Variants in AGPS observed in about 807,000 individuals in gnomAD.
AGPS encodes alkylglycerone phosphate synthase, also known as alkyldihydroxyacetonephosphate synthase, peroxisomal.
Under a neutral mutation model 90.7 loss-of-function variants are expected in AGPS, and 26 were observed. The ratio of observed to expected loss-of-function variants is 0.29; its 90% CI spans 0.21 to 0.40. The LOEUF (loss-of-function observed/expected upper bound fraction) is 0.40. Among genes scored for constraint, AGPS ranks in the 10% least tolerant of loss-of-function variants. The pLI is 1.00. For synonymous variants in AGPS, 294 were observed against 285.3 expected (o/e 1.03, Z -0.31); for missense variants, 540 against 816.1 (o/e 0.66, Z 4.12).
chr2:177,530,004 C>T (rs922704660), intron 19 of AGPS, among the ~76,000 whole-genome samples: 5 of 152,122 alleles, frequency 3.3e-5, no homozygotes, highest in African/African-American at 1.2e-4. Flanking sequence ...GCTTAAAAAA[C>T]AATAGTTTTG....
intron 11 of AGPS, 85 bp downstream of exon 11, chr2:177,482,271 T>C (rs1162370637): frequency 4.0e-6 from 3 of 751,306 alleles, no homozygotes; most frequent in Non-Finnish European, 6.0e-6. Context: ...TAGTTGATTG[T>C]GATATGTTAC....
rs1018727201 is a variant in AGPS at position 177,412,693 on chromosome 2, G to A, written c.261-7576G>A. On this transcript the variant is annotated intron_variant, in intron 1 of 19. Transcript: ENST00000264167. ...CTCCTAGAGCTCCCAAGATGTTGGC[G>A]GCCACTTCCAAGATGGCAGCAAGCC... is the stretch of plus-strand genomic sequence containing the variant. Among the ~76,000 whole-genome samples the A allele has an allele frequency of 5.9e-5, 9 of 152,072 alleles. No individual in the cohort carries two copies. The South Asian group carries it at 8.3e-4, about 14-fold the overall frequency.
intron 12 of AGPS, among the ~76,000 whole-genome samples, chr2:177,494,671 C>T (rs1688362372): frequency 6.6e-6 from 1 of 152,122 alleles, no homozygotes; most frequent in East Asian, 1.9e-4. Flanking sequence ...TACCTGAAAA[C>T]ATACTTACTT....
intron 16 of AGPS, among the ~76,000 whole-genome samples, 168 bp from the exon 17 acceptor site, chr2:177,513,651 G>A (rs961032058): frequency 6.6e-6 from 1 of 152,092 alleles, no homozygotes; most frequent in African/African-American, 2.4e-5. Context: ...AGGAATGGAG[G>A]GCTCAATTTG....
At chr2:177,488,597 C>G (rs560285170) in intron 11 of AGPS, among the ~76,000 whole-genome samples, 2 of 152,094 alleles carry the variant, frequency 1.3e-5, no homozygotes, top group Non-Finnish European at 2.9e-5. Flanking sequence ...TATGTGGTTC[C>G]TCACTTCTAG....
intron 8 of AGPS, among the ~76,000 whole-genome samples, chr2:177,449,199 T>G (rs1686864368): frequency 6.6e-6 from 1 of 152,206 alleles, no homozygotes; most frequent in Admixed American, 6.5e-5. Context: ...TTCCTTTCGG[T>G]AAGTAACTGG....
At chr2:177,531,418 A>G (rs1377903236) in intron 19 of AGPS, among the ~76,000 whole-genome samples, 3 of 152,234 alleles carry the variant, frequency 2.0e-5, no homozygotes, top group African/African-American at 7.2e-5. Context: ...AGAAAATGAA[A>G]TAGGCATAAA....
At chr2:177,406,769 G>T (rs1227626820) in intron 1 of AGPS, among the ~76,000 whole-genome samples, 3 of 152,144 alleles carry the variant, frequency 2.0e-5, no homozygotes, top group Non-Finnish European at 4.4e-5. Context: ...CTCTTATTTG[G>T]CATTCAAGGC....
intron 5 of AGPS, among the ~76,000 whole-genome samples, chr2:177,438,849 T>G (rs913422348): frequency 6.6e-6 from 1 of 152,232 alleles, no homozygotes; most frequent in Non-Finnish European, 1.5e-5. Flanking sequence ...GGTCTTTATT[T>G]AATTTTAATG....
chr2:177,495,627 G>A (rs1009305607), intron 12 of AGPS, among the ~76,000 whole-genome samples: 2 of 152,064 alleles, frequency 1.3e-5, no homozygotes, highest in Admixed American at 6.6e-5. Context: ...CACAATAGCA[G>A]CTGGGTGCAG....
chr2:177,519,989 G>T (rs926396707), intron 17 of AGPS, among the ~76,000 whole-genome samples: 6 of 152,140 alleles, frequency 3.9e-5, no homozygotes, highest in Non-Finnish European at 5.9e-5. Flanking sequence ...GACCATATAG[G>T]GTAACTTCCT....
intron 11 of AGPS, among the ~76,000 whole-genome samples, chr2:177,490,209 C>A (rs919746406): frequency 6.6e-6 from 1 of 152,006 alleles, no homozygotes; most frequent in Non-Finnish European, 1.5e-5. Context: ...GTAGTGGTAA[C>A]TTTTAATTAT....
chr2:177,428,006 G>T (rs921951452), intron 2 of AGPS, among the ~76,000 whole-genome samples: 46 of 152,202 alleles, frequency 3.0e-4, no homozygotes. Flanking sequence ...GGATCTGGGT[G>T]CTCCTCTATT....
chr2:177,428,206 G>A (rs1289789582), intron 2 of AGPS, among the ~76,000 whole-genome samples: 1 of 151,970 alleles, frequency 6.6e-6, no homozygotes, highest in Non-Finnish European at 1.5e-5. Context: ...CCTTTCTTTT[G>A]AGTTCATGTG....
chr2:177,533,750 C>T (rs1334830819), intron 19 of AGPS, among the ~76,000 whole-genome samples: 1 of 152,178 alleles, frequency 6.6e-6, no homozygotes, highest in African/African-American at 2.4e-5. Context: ...TACTTTCTTA[C>T]ATAATCCAGC....
chr2:177,536,850 C>A (rs963978529), intron 19 of AGPS, among the ~76,000 whole-genome samples: 4 of 152,082 alleles, frequency 2.6e-5, no homozygotes, highest in African/African-American at 9.7e-5. Flanking sequence ...GAACTGGACA[C>A]AAAAGATGGT....
intron 16 of AGPS, among the ~76,000 whole-genome samples, chr2:177,513,464 ATTTTCATTAACATC>A (rs1688938627): frequency 6.6e-6 from 1 of 152,148 alleles, no homozygotes. Flanking sequence ...CTAGAATCGA[ATTTTCATTAACATC>A]TTTATAGCTT....
intron 5 of AGPS, among the ~76,000 whole-genome samples, chr2:177,437,799 T>C (rs1288107213): frequency 1.3e-5 from 2 of 152,178 alleles, no homozygotes; most frequent in African/African-American, 4.8e-5. Context: ...GACTCTCAGT[T>C]CTTAAATGAG....
intron 10 of AGPS, among the ~76,000 whole-genome samples, chr2:177,473,005 G>A (rs567756968): frequency 6.6e-6 from 1 of 152,070 alleles, no homozygotes; most frequent in African/African-American, 2.4e-5. Context: ...AGTAATTTTG[G>A]CTGTACTTCC....
Sources: gnomAD v4.1 joint callset for allele counts (sites outside exome capture counted in the v4.1 genomes callset) on GRCh38, gnomAD v4.1.1 for gene constraint, MANE v1.5 for transcripts, NCBI Gene and HGNC (gene_info 2026-07-23, HGNC 2026-07-21) for gene names.